The following DDX4 variants were observed in gnomAD, a reference collection of about 807,000 sequenced individuals.
DDX4 encodes probable ATP-dependent RNA helicase DDX4.
Under a neutral mutation model 100.0 loss-of-function variants are expected in DDX4, and 25 were observed. The observed-to-expected ratio is 0.25, with a 90% CI of 0.18 to 0.35. DDX4 has a LOEUF of 0.35. DDX4 is among the 10% of genes least tolerant of loss of function. DDX4 has a pLI of 1.00. For missense variants in DDX4, 635 were observed against 882.4 expected (o/e 0.72, Z 3.55); for synonymous variants, 259 against 275.7 (o/e 0.94, Z 0.60).
chr5:55,770,248 A>T (rs1386600501), intron 7 of DDX4, among the ~76,000 whole-genome samples: 1 of 152,070 alleles, frequency 6.6e-6, no homozygotes, highest in Non-Finnish European at 1.5e-5. Flanking sequence ...GCTATCAATT[A>T]CAGAAGAGGG....
At chr5:55,738,905 GATCTA>G in intron 1 of DDX4, 40 bp from the exon 2 acceptor site, 3 of 1,020,510 alleles carry the variant, frequency 2.9e-6, no homozygotes, top group Non-Finnish European at 4.6e-6. Flanking sequence ...TTATGATTCT[GATCTA>G]ATTGAGTCCA....
At chr5:55,776,708 T>A (rs2111937595) in intron 7 of DDX4, among the ~76,000 whole-genome samples, 1 of 152,218 alleles carries the variant, frequency 6.6e-6, no homozygotes. Context: ...GCCATTCAGA[T>A]AAAAATGGTG....
intron 18 of DDX4, among the ~76,000 whole-genome samples, chr5:55,799,125 T>C (rs1043769413): frequency 7.9e-5 from 12 of 152,162 alleles, no homozygotes; most frequent in African/African-American, 2.9e-4. Context: ...CCTGAAATAA[T>C]TGTGTAGTCA....
intron 12 of DDX4, 74 bp downstream of exon 12, chr5:55,785,568 CA>C: frequency 7.3e-7 from 1 of 1,361,964 alleles, no homozygotes; most frequent in Non-Finnish European, 1.0e-6. Context: ...TACTTAAAAA[CA>C]AAGTTATCTT....
chr5:55,786,505 T>G lies in DDX4; in HGVS notation c.865-13T>G. ...ATATAGAATGTAATCACTGCTTTTT[T>G]TTAAATTTTCAGACTTTTGAAGAAG... On this transcript the variant is annotated splice_polypyrimidine_tract_variant and intron_variant, in intron 13 of 21. Coordinates refer to ENST00000505374, the MANE Select transcript of DDX4 (RefSeq NM_024415.3). The G allele has an allele frequency of 6.2e-7, 1 of 1,603,014 alleles. No individual in the cohort carries two copies. The highest frequency in any genetic ancestry group is 8.5e-7 in the Non-Finnish European group (1 of 1,171,582).
chr5:55,767,100 A>C (rs1740972224), intron 6 of DDX4: 4 of 1,251,872 alleles, frequency 3.2e-6, no homozygotes, highest in African/African-American at 1.6e-5. Context: ...GAATGGGGGA[A>C]AGTTTGCATA....
chr5:55,797,205 T>G (rs975896307), intron 17 of DDX4, among the ~76,000 whole-genome samples: 5 of 152,232 alleles, frequency 3.3e-5, no homozygotes, highest in African/African-American at 1.2e-4. Context: ...GTGTATCTTG[T>G]GAAAGAAACT....
chr5:55,786,473 A>G (rs527832610), intron 13 of DDX4, 45 bp from the exon 14 acceptor site: 19 of 1,466,410 alleles, frequency 1.3e-5, no homozygotes, highest in Non-Finnish European at 1.7e-5. Flanking sequence ...AATGATCTGC[A>G]TATGATATAT....
intron 18 of DDX4, among the ~76,000 whole-genome samples, chr5:55,803,112 C>T (rs1360283840): frequency 6.9e-6 from 1 of 145,422 alleles, no homozygotes; most frequent in African/African-American, 2.6e-5. Context: ...CCCCACCCCA[C>T]GACAGGCCCC....
chr5:55,763,112 GT>G, intron 4 of DDX4, 62 bp from the exon 5 acceptor site: 1 of 1,104,850 alleles, frequency 9.1e-7, no homozygotes, highest in Non-Finnish European at 1.4e-6. Context: ...TTAATTCTTA[GT>G]TTTTGATGAT....
intron 7 of DDX4, among the ~76,000 whole-genome samples, chr5:55,771,438 A>C (rs1042763775): frequency 1.3e-5 from 2 of 152,162 alleles, no homozygotes; most frequent in African/African-American, 4.8e-5. Flanking sequence ...TGTTTGTTGC[A>C]ATTGTAGATC....
At position 55,755,785 on chromosome 5, in the gene DDX4, G is replaced by A. The variant is rs374925917; in HGVS notation, c.128-4415G>A. ...AATATGTATTTCAGTAAGATACACA[G>A]CATAAATGTACAGCTCACTTAATTA... is the stretch of plus-strand genomic sequence containing the variant. On this transcript the variant is annotated intron_variant, in intron 3 of 21. Coordinates refer to ENST00000505374, the MANE Select transcript of DDX4 (RefSeq NM_024415.3). 1.4e-4 allele frequency among the ~76,000 whole-genome samples: 21 copies of A among 151,822 alleles called. 1 individual carries two copies. The highest frequency in any genetic ancestry group is 1.2e-3 in the Admixed American group (19 of 15,222).
chr5:55,792,936 A>G, intron 17 of DDX4, 129 bp downstream of exon 17: 1 of 509,424 alleles, frequency 2.0e-6, no homozygotes, highest in Non-Finnish European at 2.8e-6. Flanking sequence ...TTTAAAAAGT[A>G]GATGTATTTC....
At chr5:55,746,728 C>T (rs1561479352) in intron 3 of DDX4, among the ~76,000 whole-genome samples, 1 of 152,134 alleles carries the variant, frequency 6.6e-6, no homozygotes, top group Non-Finnish European at 1.5e-5. Flanking sequence ...CTGTTGCGCC[C>T]TCCTCCCAAC....
At chr5:55,811,218 C>T (rs943847954) in intron 18 of DDX4, among the ~76,000 whole-genome samples, 1 of 152,006 alleles carries the variant, frequency 6.6e-6, no homozygotes, top group East Asian at 1.9e-4. Flanking sequence ...AGAATATTAA[C>T]ACCTTTTATA....
At chr5:55,750,014 G>GA (rs1343582119) in intron 3 of DDX4, among the ~76,000 whole-genome samples, 5 of 151,132 alleles carry the variant, frequency 3.3e-5, no homozygotes, top group Non-Finnish European at 7.4e-5. Context: ...AATCACACTA[G>GA]AAAAAACTCA....
At position 55,796,823 on chromosome 5, in the gene DDX4, C is replaced by CTTTTTTTTTTTTTTTTTTTTTTTTTT. The variant is rs3990072; in HGVS notation, c.1470-1594_1470-1569dup. ...TTTTCTTTTCTTTTTTTCTTTCTTT[C>CTTTTTTTTTTTTTTTTTTTTTTTTTT]TTTTTTTTTTTTTTTTTTTTTTTTT... On this transcript the variant is annotated intron_variant, in intron 17 of 21. Coordinates refer to ENST00000505374, the MANE Select transcript of DDX4 (RefSeq NM_024415.3). Among the ~76,000 whole-genome samples, 110 of 59,958 alleles carry CTTTTTTTTTTTTTTTTTTTTTTTTTT rather than the reference C, an allele frequency of 1.8e-3. 12 individuals carry two copies. Among genetic ancestry groups the CTTTTTTTTTTTTTTTTTTTTTTTTTT allele is most frequent in the Middle Eastern group, 0.017 (1 of 60 alleles). 39.3% of individuals were successfully genotyped at this position (59,958 alleles called of 152,430 possible).
intron 2 of DDX4, among the ~76,000 whole-genome samples, chr5:55,740,508 ATTT>A (rs111354975): frequency 1.5e-5 from 2 of 132,774 alleles, no homozygotes; most frequent in Non-Finnish European, 1.6e-5. Context: ...TATAACAGTA[ATTT>A]TTTTTTTTTT....
At chr5:55,789,142 A>G (rs1742406650) in intron 15 of DDX4, among the ~76,000 whole-genome samples, 3 of 152,340 alleles carry the variant, frequency 2.0e-5, no homozygotes, top group Admixed American at 2.0e-4. Context: ...AAGAGCAGGA[A>G]CTTATTTTAA....
Sources: allele counts gnomAD v4.1 joint callset (sites outside exome capture counted in the v4.1 genomes callset), GRCh38; gene constraint gnomAD v4.1.1; transcripts MANE v1.5; gene names NCBI Gene and HGNC (gene_info 2026-07-23, HGNC 2026-07-21).